The following MPDZ variants were observed in gnomAD, a reference collection of about 807,000 sequenced individuals.
MPDZ encodes the protein multiple PDZ domain crumbs cell polarity complex component.
A neutral mutation model predicts 239.1 loss-of-function variants in MPDZ; 234 were observed. The observed-to-expected ratio is 0.98, with a 90% CI of 0.88 to 1.09. The LOEUF (loss-of-function observed/expected upper bound fraction) is 1.09, where lower values mean the gene tolerates loss of function less well. Among genes scored for constraint, MPDZ ranks in the 50% least tolerant of loss-of-function variants. The pLI is 0.00. For missense variants in MPDZ, 3,175 were observed against 2,510.0 expected (o/e 1.26, Z -5.66); for synonymous variants, 1,048 against 881.3 (o/e 1.19, Z -3.35).
chr9:13,193,200 G>T lies in MPDZ; in HGVS notation c.1770C>A (p.Ser590Arg). ...SVLPEGPVGHSGKLFSGDELL... is the reference protein window; with the variant it reads ...SVLPEGPVGHRGKLFSGDELL... ...GCTCGTCTCCACTGAAGAGCTTCCC[G>T]CTGTGTCCAACAGGACCCTCTGGTA... Residue 590 changes from serine to arginine, a missense_variant, in exon 14 of 47, where the codon AGC (serine) becomes AGA (arginine). Ser to Arg is a moderately radical substitution (Grantham distance 110). Transcript: ENST00000319217. 6.3e-7 allele frequency: 1 copy of T among 1,599,940 alleles called. No homozygotes were observed. The highest frequency in any genetic ancestry group is 1.1e-5 in the South Asian group (1 of 88,302).
intron 25 of MPDZ, 108 bp downstream of exon 25, chr9:13,150,403 T>C: frequency 1.2e-6 from 1 of 826,792 alleles, no homozygotes; most frequent in Non-Finnish European, 1.6e-6. Context: ...GGTGAAAAAT[T>C]TTAGCACATG....
At chr9:13,128,256 T>A (rs1486362201) in intron 32 of MPDZ, among the ~76,000 whole-genome samples, 1 of 152,168 alleles carries the variant, frequency 6.6e-6, no homozygotes, top group Admixed American at 6.5e-5. Context: ...GAAGTAATGG[T>A]GTATAATTTC....
intron 12 of MPDZ, among the ~76,000 whole-genome samples, chr9:13,203,424 C>G (rs1202078857): frequency 6.6e-6 from 1 of 152,084 alleles, no homozygotes; most frequent in African/African-American, 2.4e-5. Flanking sequence ...TCATATTCAA[C>G]CAACCTTTAG....
At position 13,206,085 on chromosome 9, in the gene MPDZ, G is replaced by A; in HGVS notation, c.1305C>T (p.Asn435=). ...CTTGCTGATTAGTAAAACCCTGAAG[G>A]TTTGTGCCATCTACCTGTGATTAAA... ...GDQIIAVDGT[N]LQGFTNQQAV... Residue 435 remains asparagine, a synonymous_variant, in exon 11 of 47, where the codon AAC becomes AAT. Coordinates refer to ENST00000319217, the MANE Select transcript of MPDZ (RefSeq NM_001378778.1). 2 of 1,604,014 alleles carry A rather than the reference G, an allele frequency of 1.2e-6. No individual in the cohort carries two copies. Among genetic ancestry groups the A allele is most frequent in the South Asian group, 2.2e-5 (2 of 89,232 alleles).
intron 8 of MPDZ, among the ~76,000 whole-genome samples, chr9:13,218,705 T>C (rs1299424096): frequency 1.3e-5 from 2 of 151,796 alleles, no homozygotes; most frequent in Non-Finnish European, 2.9e-5. Context: ...GAACAAAACA[T>C]AGATTTTTTA....
At chr9:13,254,514 T>C (rs1384336887) in intron 1 of MPDZ, among the ~76,000 whole-genome samples, 3 of 152,184 alleles carry the variant, frequency 2.0e-5, no homozygotes, top group Non-Finnish European at 2.9e-5. Context: ...TAATCTCTTA[T>C]TGAGCTTAAT....
chr9:13,217,611 C>A (rs1317378860), intron 8 of MPDZ, among the ~76,000 whole-genome samples: 1 of 151,818 alleles, frequency 6.6e-6, no homozygotes, highest in Non-Finnish European at 1.5e-5. Context: ...AGAGATGGCT[C>A]ATCTTAATTT....
intron 27 of MPDZ, 46 bp from the exon 28 acceptor site, chr9:13,140,195 G>C (rs779542989): frequency 7.1e-6 from 11 of 1,555,440 alleles, no homozygotes; most frequent in Non-Finnish European, 9.6e-6. Flanking sequence ...GTCTAAGGAA[G>C]AAAACTTCAA....
chr9:13,183,611 T>A (rs769211591), intron 18 of MPDZ, 26 bp from the exon 19 acceptor site: 2 of 1,606,880 alleles, frequency 1.2e-6, no homozygotes, highest in African/African-American at 2.7e-5. Context: ...TAATATCAGT[T>A]GGGAATTCTG....
chr9:13,162,038 G>A (rs1338377647), intron 23 of MPDZ, among the ~76,000 whole-genome samples: 1 of 152,120 alleles, frequency 6.6e-6, no homozygotes, highest in African/African-American at 2.4e-5. Context: ...GACGAGGTGG[G>A]CAGACTGCTT....
At chr9:13,141,157 G>A (rs547912623) in intron 27 of MPDZ, among the ~76,000 whole-genome samples, 1 of 151,112 alleles carries the variant, frequency 6.6e-6, no homozygotes, top group South Asian at 2.1e-4. Flanking sequence ...AATAATTGCA[G>A]TTTTTGCCAT....
At chr9:13,126,122 A>G (rs1206805471) in intron 34 of MPDZ, among the ~76,000 whole-genome samples, 1 of 152,204 alleles carries the variant, frequency 6.6e-6, no homozygotes, top group African/African-American at 2.4e-5. Flanking sequence ...GTTTAACCCT[A>G]ATAAAAATTA....
chr9:13,229,018 T>C (rs986738244), intron 3 of MPDZ, among the ~76,000 whole-genome samples: 6 of 152,238 alleles, frequency 3.9e-5, no homozygotes, highest in South Asian at 2.1e-4. Flanking sequence ...AAATGGACAG[T>C]ATCTTCTTAG....
Position 13,250,287 on chromosome 9 carries a change from G to A in MPDZ, c.16+13C>T. On this transcript the variant is annotated intron_variant, in intron 2 of 46. Transcript: ENST00000319217. The stretch of plus-strand genomic sequence containing the variant: ...AATTCTTATAAAAGTAGGCAGAAAA[G>A]AATAAGTCTTACCAATGGCTTCCAA... 6.3e-7 allele frequency: 1 copy of A among 1,592,954 alleles called. No individual in the cohort carries two copies. The highest frequency in any genetic ancestry group is 1.1e-5 in the South Asian group (1 of 87,558).
chr9:13,172,586 CAT>C (rs1476549162), intron 21 of MPDZ, among the ~76,000 whole-genome samples: 1 of 152,044 alleles, frequency 6.6e-6, no homozygotes, highest in Admixed American at 6.5e-5. Context: ...GGGGTTTCGC[CAT>C]GTTGGGCAGA....
intron 6 of MPDZ, 90 bp downstream of exon 6, chr9:13,222,143 C>A: frequency 2.9e-6 from 3 of 1,023,566 alleles, no homozygotes; most frequent in Non-Finnish European, 2.8e-6. Flanking sequence ...TCAAGAAGTG[C>A]AAAGACCCTA....
intron 12 of MPDZ, among the ~76,000 whole-genome samples, chr9:13,199,311 T>C (rs985811032): frequency 2.0e-5 from 3 of 152,126 alleles, no homozygotes; most frequent in African/African-American, 7.2e-5. Context: ...TTTTTTGGAT[T>C]ATTTGCTGTG....
intron 3 of MPDZ, among the ~76,000 whole-genome samples, chr9:13,243,376 T>C (rs1178046628): frequency 6.6e-6 from 1 of 151,718 alleles, no homozygotes; most frequent in Non-Finnish European, 1.5e-5. Flanking sequence ...TTTTTTTTTT[T>C]GCTTTGCTTC....
chr9:13,157,659 A>C (rs1324883243), intron 24 of MPDZ, among the ~76,000 whole-genome samples: 2 of 152,028 alleles, frequency 1.3e-5, no homozygotes, highest in Non-Finnish European at 2.9e-5. Flanking sequence ...ACACGTTCTG[A>C]ATATATATGT....
Sources: gnomAD v4.1 joint callset for allele counts (sites outside exome capture counted in the v4.1 genomes callset) on GRCh38, gnomAD v4.1.1 for gene constraint, MANE v1.5 for transcripts, NCBI Gene and HGNC (gene_info 2026-07-23, HGNC 2026-07-21) for gene names.